Variants in PSMD14 observed in about 807,000 individuals in gnomAD.
PSMD14 encodes proteasome 26S subunit, non-ATPase 14, also known as ubiquitin C-terminal hydrolase PSMD14.
PSMD14 carries 7 observed loss-of-function variants against 41.2 expected under a neutral mutation model. That is an observed-to-expected ratio of 0.17 (90% CI 0.10 to 0.32). The LOEUF is 0.32. Among genes scored for constraint, PSMD14 ranks in the 10% least tolerant of loss-of-function variants. The pLI is 1.00. For synonymous variants in PSMD14, 114 were observed against 122.3 expected, an observed-to-expected ratio of 0.93 and a Z score of 0.45; for missense variants, 139 against 375.6, an observed-to-expected ratio of 0.37 and a Z score of 5.21.
At chr2:161,326,109 C>T (rs1193680955) in intron 3 of PSMD14, among the ~76,000 whole-genome samples, 2 of 152,112 alleles carry the variant, frequency 1.3e-5, no homozygotes, top group Admixed American at 6.6e-5. Flanking sequence ...ATGATCTTGG[C>T]TCATTGCAAC....
In PSMD14 at chr2:161,326,941, T is replaced by C. The variant is rs186969414; in HGVS notation, c.48+8068T>C. On this transcript the variant is annotated intron_variant, in intron 3 of 11. Coordinates refer to ENST00000409682, the MANE Select transcript of PSMD14 (RefSeq NM_005805.6). ...TTGTTATTTTTTATTGTTTTTTCCC[T>C]CCGATATTTTCTATCTATGGTTGGT... Among the ~76,000 whole-genome samples the C allele has an allele frequency of 3.5e-3, 533 of 152,348 alleles. 1 individual carries two copies. Among genetic ancestry groups the C allele is most frequent in the Non-Finnish European group, 5.6e-3 (382 of 68,038 alleles).
At chr2:161,390,935 A>C (rs1227153965) in intron 8 of PSMD14, among the ~76,000 whole-genome samples, 169 bp from the exon 9 acceptor site, 1 of 152,190 alleles carries the variant, frequency 6.6e-6, no homozygotes, top group African/African-American at 2.4e-5. Flanking sequence ...CCTTAGTTTT[A>C]AACTTGTAGC....
At chr2:161,392,689 G>T (rs1683728784) in intron 9 of PSMD14, among the ~76,000 whole-genome samples, 1 of 152,076 alleles carries the variant, frequency 6.6e-6, no homozygotes, top group African/African-American at 2.4e-5. Flanking sequence ...GGCGCAAGGG[G>T]ATCTTATAAT....
chr2:161,341,065 C>T (rs1190797347), intron 3 of PSMD14: 2 of 1,561,430 alleles, frequency 1.3e-6, no homozygotes, highest in South Asian at 1.1e-5. Flanking sequence ...TCCCCCGGTC[C>T]CGCAGGCTCC....
At chr2:161,314,779 A>G (rs1440806531) in intron 1 of PSMD14, among the ~76,000 whole-genome samples, 1 of 152,182 alleles carries the variant, frequency 6.6e-6, no homozygotes, top group Non-Finnish European at 1.5e-5. Context: ...ATATGTGTTT[A>G]TAGTAGAATT....
chr2:161,404,730 C>T (rs560681524), intron 10 of PSMD14, among the ~76,000 whole-genome samples: 64 of 152,214 alleles, frequency 4.2e-4, no homozygotes, highest in Middle Eastern at 6.8e-3. Flanking sequence ...CAGTTATTTT[C>T]CTTGTCCTCT....
At chr2:161,396,767 A>G (rs1439306036) in intron 10 of PSMD14, among the ~76,000 whole-genome samples, 2 of 152,128 alleles carry the variant, frequency 1.3e-5, no homozygotes, top group Non-Finnish European at 2.9e-5. Context: ...AAAGTTTCTG[A>G]AGTCTAGTAA....
At chr2:161,337,787 A>G (rs1474277244) in intron 3 of PSMD14, among the ~76,000 whole-genome samples, 1 of 152,206 alleles carries the variant, frequency 6.6e-6, no homozygotes, top group Non-Finnish European at 1.5e-5. Flanking sequence ...GGATTAGACT[A>G]TGGATCAGGA....
intron 2 of PSMD14, among the ~76,000 whole-genome samples, chr2:161,316,829 A>G (rs908586577): frequency 2.0e-5 from 3 of 152,276 alleles, no homozygotes; most frequent in Non-Finnish European, 4.4e-5. Context: ...TAATTTTGCT[A>G]CAGAAACAAA....
chr2:161,351,113 A>T (rs1683113000), intron 3 of PSMD14, among the ~76,000 whole-genome samples: 1 of 152,188 alleles, frequency 6.6e-6, no homozygotes, highest in Non-Finnish European at 1.5e-5. Context: ...AGTCATTTTC[A>T]GTTTAAGATA....
chr2:161,360,899 C>G (rs1224471630), intron 3 of PSMD14, among the ~76,000 whole-genome samples: 3 of 152,120 alleles, frequency 2.0e-5, no homozygotes, highest in Non-Finnish European at 2.9e-5. Context: ...GCCCATGTTT[C>G]CATTATGGTT....
intron 9 of PSMD14, among the ~76,000 whole-genome samples, chr2:161,393,014 T>C (rs1457308041): frequency 6.6e-6 from 1 of 152,160 alleles, no homozygotes; most frequent in Non-Finnish European, 1.5e-5. Context: ...TTACATAAAT[T>C]ACTTAATGTT....
rs554295984 is a variant in PSMD14 at position 161,353,551 on chromosome 2, C to A, written c.49-13927C>A. Among the ~76,000 whole-genome samples the A allele has an allele frequency of 5.6e-4, 85 of 152,178 alleles. 1 individual carries two copies. Among genetic ancestry groups the A allele is most frequent in the Non-Finnish European group, 1.6e-4 (11 of 68,026 alleles). On this transcript the variant is annotated intron_variant, in intron 3 of 11. Transcript: ENST00000409682. ...TGTCATTTTTATCTTCCCAGAATGC[C>A]TTTTCCCTCCCTCCCCCTTTTCTTA...
chr2:161,323,615 G>A (rs900669506), intron 3 of PSMD14, among the ~76,000 whole-genome samples: 19 of 151,586 alleles, frequency 1.3e-4, no homozygotes, highest in Non-Finnish European at 2.8e-4. Context: ...GTGAGCCAAG[G>A]TAGTACCACT....
At chr2:161,393,531 A>G (rs1392421395) in intron 9 of PSMD14, among the ~76,000 whole-genome samples, 1 of 152,162 alleles carries the variant, frequency 6.6e-6, no homozygotes, top group African/African-American at 2.4e-5. Flanking sequence ...TTTCCAATGT[A>G]AGATAAAATT....
At chr2:161,313,986 C>T (rs1219387667) in intron 1 of PSMD14, among the ~76,000 whole-genome samples, 1 of 152,164 alleles carries the variant, frequency 6.6e-6, no homozygotes, top group Non-Finnish European at 1.5e-5. Context: ...CCATCCATAT[C>T]CAGAATTTTT....
chr2:161,391,715 C>A (rs1192814880), intron 9 of PSMD14, among the ~76,000 whole-genome samples: 2 of 152,066 alleles, frequency 1.3e-5, no homozygotes, highest in South Asian at 4.1e-4. Flanking sequence ...CTACAGCCTC[C>A]CGAGTAGCTG....
intron 3 of PSMD14, chr2:161,340,975 G>T: frequency 6.2e-7 from 1 of 1,612,832 alleles, no homozygotes; most frequent in South Asian, 1.1e-5. Context: ...TCCAAGTCCT[G>T]CTCCTCTTCC....
In PSMD14 at chr2:161,411,282, C is replaced by A; in HGVS notation, c.835-20C>A. The A allele has an allele frequency of 1.3e-6, 2 of 1,532,186 alleles. No homozygotes were observed. Among genetic ancestry groups the A allele is most frequent in the South Asian group, 1.2e-5 (1 of 82,592 alleles). The allele number at this position is 1,532,186 out of a possible 1,614,324, so 94.9% of individuals were successfully genotyped here. A position where few individuals can be genotyped will look rare whatever the true frequency, so the allele number is the denominator to read the frequency against. ...AGTAATATGGTTCTGTTTTCTCTTT[C>A]CTCATTTTTGTTCTTTTAGGACCCC... On this transcript the variant is annotated intron_variant, in intron 11 of 11. Transcript: ENST00000409682.
Sources: allele counts gnomAD v4.1 joint callset (sites outside exome capture counted in the v4.1 genomes callset), GRCh38; gene constraint gnomAD v4.1.1; transcripts MANE v1.5; gene names NCBI Gene and HGNC (gene_info 2026-07-23, HGNC 2026-07-21).